The following DLGAP5 variants were observed in gnomAD, a reference collection of about 807,000 sequenced individuals.
DLGAP5 encodes DLG associated protein 5.
Under a neutral mutation model 99.6 loss-of-function variants are expected in DLGAP5, and 90 were observed. That is an observed-to-expected ratio of 0.90 (90% confidence interval 0.76 to 1.08). The LOEUF is 1.08. Ranked by LOEUF, DLGAP5 falls within the 50% of genes least tolerant of loss-of-function variation. DLGAP5 has a pLI of 0.00. For missense variants in DLGAP5, 1,036 were observed against 983.5 expected, an observed-to-expected ratio of 1.05 and a Z score of -0.71; for synonymous variants, 311 against 321.3, an observed-to-expected ratio of 0.97 and a Z score of 0.34.
intron 2 of DLGAP5, 53 bp downstream of exon 2, chr14:55,188,889 C>G: frequency 7.1e-7 from 1 of 1,415,256 alleles, no homozygotes; most frequent in Non-Finnish European, 9.7e-7. Flanking sequence ...GGCATTAAAC[C>G]AACTATTATT....
rs1882151284 is a variant in DLGAP5 at position 55,154,809 on chromosome 14, A to G, written c.1874-3T>C. 1.2e-6 allele frequency: 2 copies of G among 1,612,490 alleles called. No individual in the cohort carries two copies. Among genetic ancestry groups the G allele is most frequent in the South Asian group, 2.2e-5 (2 of 90,904 alleles). ...GCCTTCAGAAGAGACAGAAAGTCCTAGAAGATGAGAGAAATCACCTCAATA... is the reference window on the plus strand; with the variant it reads ...GCCTTCAGAAGAGACAGAAAGTCCTGGAAGATGAGAGAAATCACCTCAATA... On this transcript the variant is annotated splice_region_variant and splice_polypyrimidine_tract_variant and intron_variant, in intron 14 of 18. Transcript: ENST00000247191.
chr14:55,179,063 G>T (rs773184271), intron 7 of DLGAP5, among the ~76,000 whole-genome samples: 11 of 151,970 alleles, frequency 7.2e-5, no homozygotes, highest in Non-Finnish European at 1.2e-4. Flanking sequence ...TAAAATAAAA[G>T]AAAATAAACT....
At chr14:55,163,913 C>T (rs1322803047) in intron 12 of DLGAP5, among the ~76,000 whole-genome samples, 1 of 152,108 alleles carries the variant, frequency 6.6e-6, no homozygotes, top group Non-Finnish European at 1.5e-5. Context: ...CTCTTTGTAT[C>T]TTTTGGATAA....
intron 13 of DLGAP5, among the ~76,000 whole-genome samples, chr14:55,159,167 A>G (rs563519455): frequency 6.6e-6 from 1 of 152,320 alleles, no homozygotes; most frequent in South Asian, 2.1e-4. Context: ...TGTAGGAAGT[A>G]GCACCTATGC....
At chr14:55,189,329 A>T (rs890860019) in intron 1 of DLGAP5, 149 bp from the exon 2 acceptor site, 1 of 686,740 alleles carries the variant, frequency 1.5e-6, no homozygotes, top group African/African-American at 1.8e-5. Flanking sequence ...CTGAAAAGTG[A>T]GAAGAAGATT....
chr14:55,179,795 T>C (rs1397246803), intron 6 of DLGAP5, 96 bp from the exon 7 acceptor site: 4 of 972,314 alleles, frequency 4.1e-6, no homozygotes, highest in African/African-American at 3.3e-5. Flanking sequence ...AGTAGGAATA[T>C]ATGTCTTGAA....
Position 55,148,394 on chromosome 14 carries a change from C to A in DLGAP5, c.2498G>T (p.Gly833Val), listed in dbSNP as rs1881895788. 1 of 1,613,980 alleles carries A rather than the reference C, an allele frequency of 6.2e-7. No homozygotes were observed. Among genetic ancestry groups the A allele is most frequent in the African/African-American group, 1.3e-5 (1 of 74,906 alleles). Residue 833 changes from glycine to valine, a missense_variant, in exon 19 of 19, where the codon GGT (glycine) becomes GTT (valine). Transcript: ENST00000247191. Reference protein sequence around the residue: ...QEHARHISFGGNLITFSPLQP... With the variant: ...QEHARHISFGVNLITFSPLQP... ...TAGAGGTGAAAAAGTAATCAGGTTA[C>A]CACCAAAAGAAATGTGTCTGGCATG...
Position 55,151,723 on chromosome 14 carries a change from T to G in DLGAP5, c.2340A>C (p.Glu780Asp), listed in dbSNP as rs776314998. Residue 780 changes from glutamate (E) to aspartate (D), a missense_variant, in exon 17 of 19, where the codon GAA (glutamate) becomes GAC (aspartate). By Grantham distance (45) the Glu-to-Asp change is conservative. Transcript: ENST00000247191. ...KNTASQNSILEEGETKISQSE... is the reference protein window; with the variant it reads ...KNTASQNSILDEGETKISQSE... Reference sequence around the variant, plus strand: ...ACTGAGAAATTTTAGTTTCCCCTTCTTCTAAGATGCTATTTTGTGAAGCTG... The same window carrying G: ...ACTGAGAAATTTTAGTTTCCCCTTCGTCTAAGATGCTATTTTGTGAAGCTG... The G allele has an allele frequency of 6.2e-7, 1 of 1,613,522 alleles. No homozygotes were observed. Among genetic ancestry groups the G allele is most frequent in the Non-Finnish European group, 8.5e-7 (1 of 1,179,856 alleles).
At chr14:55,169,909 C>A (rs530048941) in intron 11 of DLGAP5, among the ~76,000 whole-genome samples, 3 of 152,148 alleles carry the variant, frequency 2.0e-5, no homozygotes, top group African/African-American at 7.2e-5. Context: ...CCAAGGTGGG[C>A]GGCTCACCTG....
At position 55,176,976 on chromosome 14, in the gene DLGAP5, GAAAAAAAAAAAAAA is replaced by G. The variant is rs34109336; in HGVS notation, c.1049+72_1049+85del. ...CTGGGCGACAGAGCGAACTCCGTCT[GAAAAAAAAAAAAAA>G]AAAAAAAAAAAAAAGAAAGGCATTT... On this transcript the variant is annotated intron_variant, in intron 8 of 18. Coordinates refer to ENST00000247191, the MANE Select transcript of DLGAP5 (RefSeq NM_014750.5). 864 of 253,552 alleles carry G rather than the reference GAAAAAAAAAAAAAA, an allele frequency of 3.4e-3. 10 individuals are homozygous for G. The African/African-American group carries it at 0.047, about 14-fold the overall frequency. 15.7% of individuals were successfully genotyped at this position (253,552 alleles called of 1,614,324 possible).
At position 55,158,717 on chromosome 14, in the gene DLGAP5, T is replaced by C; in HGVS notation, c.1678A>G (p.Ser560Gly). 1 of 1,614,064 alleles carries C rather than the reference T, an allele frequency of 6.2e-7. No homozygotes were observed. The highest frequency in any genetic ancestry group is 8.5e-7 in the Non-Finnish European group (1 of 1,179,976). Reference protein sequence around the residue: ...FRKKVVSGIASKPKQDDAGRI... With the variant: ...FRKKVVSGIAGKPKQDDAGRI... Reference sequence around the variant, plus strand: ...CCAGCATCATCCTGTTTTGGTTTACTTGCTATACCTGAGACAACTTTTTTC... The same window carrying C: ...CCAGCATCATCCTGTTTTGGTTTACCTGCTATACCTGAGACAACTTTTTTC... The change falls in exon 14 of 19, where the codon AGT (serine) becomes GGT (glycine). Residue 560 changes from serine (S) to glycine (G), a missense_variant. Physicochemically the swap from Ser to Gly is moderately conservative, Grantham distance 56. Coordinates refer to ENST00000247191, the MANE Select transcript of DLGAP5 (RefSeq NM_014750.5).
intron 10 of DLGAP5, among the ~76,000 whole-genome samples, chr14:55,173,907 T>C (rs1310267942): frequency 6.6e-6 from 1 of 152,162 alleles, no homozygotes; most frequent in African/African-American, 2.4e-5. Context: ...GACCCTGTAA[T>C]AACTGTATTA....
chr14:55,169,342 TA>T (rs61278586), intron 12 of DLGAP5, 56 bp downstream of exon 12: 128,541 of 857,402 alleles, frequency 0.15, 320 homozygotes, highest in Middle Eastern at 0.16. Context: ...TCCTGCTACT[TA>T]AAAAAAAAAA....
intron 1 of DLGAP5, among the ~76,000 whole-genome samples, chr14:55,189,829 T>C (rs895050599): frequency 1.8e-4 from 27 of 152,246 alleles, no homozygotes; most frequent in Middle Eastern, 3.4e-3. Context: ...TACATAAGCA[T>C]GAGTGATTAA....
chr14:55,177,203 C>G lies in DLGAP5; in HGVS notation c.908G>C (p.Gly303Ala), dbSNP rs1289303787. 1 of 1,613,444 alleles carries G rather than the reference C, an allele frequency of 6.2e-7. No homozygotes were observed. The highest frequency in any genetic ancestry group is 8.5e-7 in the Non-Finnish European group (1 of 1,179,798). ...LPEINTAKIK[G>A]KNSFAPKDFM... ...ATCCTTAGGTGCAAAGGAATTCTTC[C>G]CTTTTATTTTTGCAGTATTTATCTC... The change falls in exon 8 of 19, where the codon GGG becomes GCG. Residue 303 changes from glycine to alanine, a missense_variant. Gly to Ala is a moderately conservative substitution (Grantham distance 60, BLOSUM62 0). Transcript: ENST00000247191.
intron 15 of DLGAP5, among the ~76,000 whole-genome samples, chr14:55,154,246 G>C (rs1882122930): frequency 6.6e-6 from 1 of 152,208 alleles, no homozygotes; most frequent in African/African-American, 2.4e-5. Context: ...CTGCTTTGTA[G>C]ATGATGAAAG....
At chr14:55,175,563 A>C (rs1883032311) in intron 9 of DLGAP5, 91 bp from the exon 10 acceptor site, 1 of 851,028 alleles carries the variant, frequency 1.2e-6, no homozygotes, top group African/African-American at 1.8e-5. Context: ...AATCCTTTTC[A>C]ATGTTTAATT....
At chr14:55,177,475 T>G in intron 7 of DLGAP5, 139 bp from the exon 8 acceptor site, 1 of 704,942 alleles carries the variant, frequency 1.4e-6, no homozygotes, top group South Asian at 2.4e-5. Flanking sequence ...CAGATACAAT[T>G]AAGTGTATAC....
chr14:55,177,200 T>C lies in DLGAP5; in HGVS notation c.911A>G (p.Lys304Arg), dbSNP rs1883101575. The C allele has an allele frequency of 6.2e-7, 1 of 1,613,748 alleles. No homozygotes were observed. The highest frequency in any genetic ancestry group is 2.2e-5 in the East Asian group (1 of 44,866). Residue 304 changes from lysine to arginine, a missense_variant, in exon 8 of 19, where the codon AAG becomes AGG. Transcript: ENST00000247191. ...AAAATCCTTAGGTGCAAAGGAATTC[T>C]TCCCTTTTATTTTTGCAGTATTTAT... is the stretch of plus-strand genomic sequence containing the variant. ...PEINTAKIKG[K>R]NSFAPKDFMF...
Sources: allele counts gnomAD v4.1 joint callset (sites outside exome capture counted in the v4.1 genomes callset), GRCh38; gene constraint gnomAD v4.1.1; transcripts MANE v1.5; gene names NCBI Gene and HGNC (gene_info 2026-07-23, HGNC 2026-07-21).